The following ST6GALNAC3 variants were observed in gnomAD, a reference collection of about 807,000 sequenced individuals.
ST6GALNAC3 encodes ST6 N-acetylgalactosaminide alpha-2,6-sialyltransferase 3, also known as alpha-N-acetylgalactosaminide alpha-2,6-sialyltransferase 3.
A neutral mutation model predicts 32.7 loss-of-function variants in ST6GALNAC3; 25 were observed. The observed-to-expected ratio is 0.76, with a 90% CI of 0.56 to 1.07. The LOEUF (loss-of-function observed/expected upper bound fraction) is 1.07, where lower values mean the gene tolerates loss of function less well. ST6GALNAC3 is among the 50% of genes least tolerant of loss of function. The pLI, the probability that ST6GALNAC3 is intolerant of heterozygous loss-of-function variation, is 0.00. For missense variants in ST6GALNAC3, 355 were observed against 382.4 expected (o/e 0.93, Z 0.60); for synonymous variants, 129 against 133.1 (o/e 0.97, Z 0.21).
At chr1:76,544,514 A>T (rs2100312410) in intron 3 of ST6GALNAC3, among the ~76,000 whole-genome samples, 1 of 152,324 alleles carries the variant, frequency 6.6e-6, no homozygotes, top group Non-Finnish European at 1.5e-5. Context: ...CTGACAAATG[A>T]AGAGAGAAGA....
rs185321744 is a variant in ST6GALNAC3, at chr1:76,611,184, G to T, written c.624-16268G>T. Among the ~76,000 whole-genome samples the T allele has an allele frequency of 6.6e-5, 10 of 151,128 alleles. 2 individuals are homozygous for T. Among genetic ancestry groups the T allele is most frequent in the African/African-American group, 2.4e-4 (10 of 41,130 alleles). ...GAACTTTTTAACCTCTCCTTATCCT[G>T]GTACTCTTAAGGTATAATAATGGTC... is the stretch of plus-strand genomic sequence containing the variant. On this transcript the variant is annotated intron_variant, in intron 3 of 4. Coordinates refer to ENST00000328299, the MANE Select transcript of ST6GALNAC3 (RefSeq NM_152996.4).
intron 1 of ST6GALNAC3, among the ~76,000 whole-genome samples, chr1:76,260,860 AC>A (rs1658187817): frequency 6.6e-6 from 1 of 152,072 alleles, no homozygotes; most frequent in Non-Finnish European, 1.5e-5. Flanking sequence ...CTAACAATAA[AC>A]CAAGGACATC....
chr1:76,191,685 A>G (rs920565652), intron 1 of ST6GALNAC3, among the ~76,000 whole-genome samples: 1 of 152,134 alleles, frequency 6.6e-6, no homozygotes, highest in African/African-American at 2.4e-5. Context: ...TAAGAAAAGA[A>G]GTTGAAGAGA....
intron 3 of ST6GALNAC3, among the ~76,000 whole-genome samples, chr1:76,574,498 T>C (rs537323867): frequency 6.7e-6 from 1 of 148,610 alleles, no homozygotes; most frequent in South Asian, 2.1e-4. Flanking sequence ...TATCAGCCTC[T>C]TTTTGAAATC....
chr1:76,187,811 C>G (rs923039983), intron 1 of ST6GALNAC3, among the ~76,000 whole-genome samples: 1 of 152,144 alleles, frequency 6.6e-6, no homozygotes, highest in Non-Finnish European at 1.5e-5. Context: ...TCTACAGATA[C>G]CCACTCCTGG....
intron 1 of ST6GALNAC3, among the ~76,000 whole-genome samples, chr1:76,263,857 G>A (rs1368466406): frequency 1.3e-5 from 2 of 152,056 alleles, no homozygotes; most frequent in African/African-American, 4.8e-5. Context: ...TTTATCTGTT[G>A]ATGAGCTTTC....
At chr1:76,607,424 A>G (rs944743320) in intron 3 of ST6GALNAC3, among the ~76,000 whole-genome samples, 2 of 152,240 alleles carry the variant, frequency 1.3e-5, no homozygotes, top group East Asian at 3.9e-4. Context: ...GAAAGTTCCA[A>G]TACTGTAATC....
intron 1 of ST6GALNAC3, among the ~76,000 whole-genome samples, chr1:76,202,978 G>T (rs556330055): frequency 6.6e-6 from 1 of 152,080 alleles, no homozygotes; most frequent in South Asian, 2.1e-4. Context: ...TATAATTCAA[G>T]TTCATTTGTT....
intron 2 of ST6GALNAC3, among the ~76,000 whole-genome samples, chr1:76,355,777 G>A (rs138525455): frequency 6.6e-6 from 1 of 152,090 alleles, no homozygotes; most frequent in Non-Finnish European, 1.5e-5. Context: ...TTGGCACATA[G>A]GCCTTTCCAT....
rs551447074 is a variant in ST6GALNAC3, at chr1:76,593,628, G to A, written c.624-33824G>A. On this transcript the variant is annotated intron_variant, in intron 3 of 4. Coordinates refer to ENST00000328299, the MANE Select transcript of ST6GALNAC3 (RefSeq NM_152996.4). ...AAGAATGTACCACACCCGATCAAGA[G>A]TGTTAGAATTGCTTCTCAGACACTT... is the stretch of plus-strand genomic sequence containing the variant. Among the ~76,000 whole-genome samples, 5 of 152,298 alleles carry A rather than the reference G, an allele frequency of 3.3e-5. No homozygotes were observed. In the South Asian group the frequency reaches 1.0e-3, roughly 32 times the overall value.
chr1:76,399,665 T>C (rs1440729039), intron 2 of ST6GALNAC3, among the ~76,000 whole-genome samples: 1 of 152,190 alleles, frequency 6.6e-6, no homozygotes, highest in African/African-American at 2.4e-5. Context: ...TATAGATTCA[T>C]TTGAGGATAA....
intron 2 of ST6GALNAC3, among the ~76,000 whole-genome samples, chr1:76,329,561 C>T (rs1647147265): frequency 6.6e-6 from 1 of 152,162 alleles, no homozygotes; most frequent in Non-Finnish European, 1.5e-5. Context: ...AAAAAGTCTA[C>T]CGATTCCTTA....
chr1:76,291,579 C>T (rs1660094502), intron 1 of ST6GALNAC3, among the ~76,000 whole-genome samples: 1 of 152,226 alleles, frequency 6.6e-6, no homozygotes. Flanking sequence ...GAGCAGGCTG[C>T]TTGTCGGAGT....
At chr1:76,571,794 T>C (rs1292899613) in intron 3 of ST6GALNAC3, among the ~76,000 whole-genome samples, 3 of 152,082 alleles carry the variant, frequency 2.0e-5, no homozygotes, top group Admixed American at 6.6e-5. Context: ...CTTTGTACTA[T>C]TGGGTTCCAA....
intron 1 of ST6GALNAC3, among the ~76,000 whole-genome samples, chr1:76,273,582 C>A (rs965622484): frequency 6.6e-6 from 1 of 150,524 alleles, no homozygotes; most frequent in Non-Finnish European, 1.5e-5. Flanking sequence ...AAATGAAAAC[C>A]ATTTTTTTTT....
chr1:76,387,303 A>G (rs1383591637), intron 2 of ST6GALNAC3, among the ~76,000 whole-genome samples: 1 of 152,102 alleles, frequency 6.6e-6, no homozygotes, highest in Admixed American at 6.6e-5. Context: ...TTCCTGCAAA[A>G]TTCCTCAGGG....
chr1:76,407,605 T>C (rs1653923578), intron 2 of ST6GALNAC3, among the ~76,000 whole-genome samples: 1 of 152,046 alleles, frequency 6.6e-6, no homozygotes. Flanking sequence ...GTGAAAATAT[T>C]TTGAATGTAC....
intron 2 of ST6GALNAC3, among the ~76,000 whole-genome samples, chr1:76,405,842 C>A (rs1009125896): frequency 6.6e-6 from 1 of 151,824 alleles, no homozygotes; most frequent in Non-Finnish European, 1.5e-5. Context: ...AAATTGATTT[C>A]TGGAATCTAT....
chr1:76,083,449 C>A (rs555092593), intron 1 of ST6GALNAC3, among the ~76,000 whole-genome samples: 5 of 152,178 alleles, frequency 3.3e-5, no homozygotes, highest in Admixed American at 1.3e-4. Flanking sequence ...AGAAGAGACA[C>A]GAGAACTGCT....
Sources: allele counts gnomAD v4.1 joint callset (sites outside exome capture counted in the v4.1 genomes callset), GRCh38; gene constraint gnomAD v4.1.1; transcripts MANE v1.5; gene names NCBI Gene and HGNC (gene_info 2026-07-23, HGNC 2026-07-21).